FGD4: variants seen among roughly 807,000 people sequenced by gnomAD.
The protein encoded by FGD4 is FYVE, RhoGEF and PH domain-containing protein 4.
Under a neutral mutation model 102.0 loss-of-function variants are expected in FGD4, and 42 were observed. The ratio of observed to expected loss-of-function variants is 0.41; its 90% CI spans 0.32 to 0.53. FGD4 has a LOEUF of 0.53. Ranked by LOEUF, FGD4 falls within the 20% of genes least tolerant of loss-of-function variation. FGD4 has a pLI of 0.21. For synonymous variants in FGD4, 380 were observed against 375.7 expected (o/e 1.01, Z -0.13); for missense variants, 902 against 1,078.2 (o/e 0.84, Z 2.29).
chr12:32,476,988 A>C lies in FGD4; in HGVS notation c.166+77029A>C, dbSNP rs561872798. On this transcript the variant is annotated intron_variant, in intron 1 of 16. Transcript: ENST00000534526. ...AGTTGGTGAAAAGTAATTGTTTACT[A>C]CTTGAAAAATGAAGATCTGGCCAGG... Among the ~76,000 whole-genome samples, 50 of 152,302 alleles carry C rather than the reference A, an allele frequency of 3.3e-4. No homozygotes were observed. The South Asian group carries it at 9.9e-3, about 30-fold the overall frequency.
At chr12:32,415,586 C>T (rs1318280199) in intron 1 of FGD4, among the ~76,000 whole-genome samples, 2 of 152,030 alleles carry the variant, frequency 1.3e-5, no homozygotes, top group Non-Finnish European at 2.9e-5. Flanking sequence ...CCACGCCTGG[C>T]TAATTTATTG....
chr12:32,415,738 T>C (rs943602951), intron 1 of FGD4, among the ~76,000 whole-genome samples: 1 of 152,186 alleles, frequency 6.6e-6, no homozygotes. Flanking sequence ...TAGCTCTTAA[T>C]AATATTTCCT....
At chr12:32,609,767 A>T (rs1401271987) in intron 8 of FGD4, among the ~76,000 whole-genome samples, 2 of 152,222 alleles carry the variant, frequency 1.3e-5, no homozygotes, top group Non-Finnish European at 1.5e-5. Context: ...GAAGACAAAA[A>T]ATGTAGTTGA....
intron 1 of FGD4, among the ~76,000 whole-genome samples, chr12:32,440,349 C>T (rs1011164912): frequency 6.6e-6 from 1 of 152,204 alleles, no homozygotes; most frequent in Non-Finnish European, 1.5e-5. Context: ...GCTGTTTCTG[C>T]TTTAGGGGGC....
chr12:32,426,743 C>G (rs984707083), intron 1 of FGD4, among the ~76,000 whole-genome samples: 4 of 152,128 alleles, frequency 2.6e-5, no homozygotes, highest in African/African-American at 9.7e-5. Flanking sequence ...AATTTCAGAA[C>G]TTATTATTGG....
intron 1 of FGD4, among the ~76,000 whole-genome samples, chr12:32,421,143 T>C (rs754801762): frequency 1.3e-5 from 2 of 152,158 alleles, no homozygotes; most frequent in Non-Finnish European, 2.9e-5. Flanking sequence ...ATGAGGGATA[T>C]TCAAGGAGAG....
intron 1 of FGD4, among the ~76,000 whole-genome samples, chr12:32,450,798 C>A (rs997146369): frequency 1.3e-5 from 2 of 152,212 alleles, no homozygotes; most frequent in African/African-American, 4.8e-5. Flanking sequence ...CCACAGGATT[C>A]ATTCCAGTTT....
chr12:32,617,525 T>C (rs928152759), intron 10 of FGD4, among the ~76,000 whole-genome samples: 1 of 152,240 alleles, frequency 6.6e-6, no homozygotes, highest in Non-Finnish European at 1.5e-5. Flanking sequence ...AGACCCTCCC[T>C]GTGTTTTTAA....
chr12:32,580,144 C>T (rs944640047), intron 3 of FGD4, among the ~76,000 whole-genome samples: 1 of 152,136 alleles, frequency 6.6e-6, no homozygotes, highest in Admixed American at 6.5e-5. Context: ...GGGTGAAGAC[C>T]ATGGGATTTA....
chr12:32,447,501 C>T (rs1171526078), intron 1 of FGD4, among the ~76,000 whole-genome samples: 1 of 140,814 alleles, frequency 7.1e-6, no homozygotes, highest in East Asian at 2.0e-4. Context: ...TCTTTTTAAA[C>T]ATTAGATTCC....
chr12:32,601,458 G>T (rs1212353902), intron 6 of FGD4, 35 bp downstream of exon 6: 6 of 1,590,074 alleles, frequency 3.8e-6, no homozygotes, highest in Non-Finnish European at 4.3e-6. Flanking sequence ...TATGTTTAAG[G>T]CAGTCATGCT....
chr12:32,597,768 GA>G (rs1403700950), intron 4 of FGD4, among the ~76,000 whole-genome samples: 8 of 152,356 alleles, frequency 5.3e-5, no homozygotes, highest in East Asian at 1.9e-4. Flanking sequence ...AGACAGAGGT[GA>G]GGGGGAGCGT....
chr12:32,448,396 C>G (rs117111505), intron 1 of FGD4, among the ~76,000 whole-genome samples: 5,810 of 152,044 alleles, frequency 0.038, 172 homozygotes, highest in South Asian at 0.12. Flanking sequence ...GGTAGCTCAC[C>G]CCTGTAATCC....
intron 1 of FGD4, among the ~76,000 whole-genome samples, chr12:32,415,523 C>T (rs942069352): frequency 4.0e-5 from 6 of 150,678 alleles, no homozygotes; most frequent in Admixed American, 1.3e-4. Flanking sequence ...CCTGGGTTCA[C>T]GCCATTCTCC....
At chr12:32,485,436 ATTTTTT>A (rs372655892) in intron 1 of FGD4, among the ~76,000 whole-genome samples, 1 of 114,218 alleles carries the variant, frequency 8.8e-6, no homozygotes, top group African/African-American at 3.2e-5. Context: ...TTTAAGACCA[ATTTTTT>A]TTTTTTTTTT....
chr12:32,426,116 A>C (rs1941821774), intron 1 of FGD4, among the ~76,000 whole-genome samples: 1 of 152,086 alleles, frequency 6.6e-6, no homozygotes, highest in East Asian at 1.9e-4. Context: ...TAGGAGTGGT[A>C]AGAGAGGGCA....
chr12:32,490,344 G>C (rs1944044356), intron 1 of FGD4, among the ~76,000 whole-genome samples: 1 of 150,878 alleles, frequency 6.6e-6, no homozygotes, highest in South Asian at 2.1e-4. Context: ...ATCTCAGCTA[G>C]CATAGTGAGA....
At chr12:32,520,440 G>GTTTTTTTT (rs1167066001) in intron 1 of FGD4, among the ~76,000 whole-genome samples, 30 of 134,120 alleles carry the variant, frequency 2.2e-4, no homozygotes, top group Middle Eastern at 4.1e-3. Context: ...TTTGTTTTTT[G>GTTTTTTTT]TTTTTTTTTT....
intron 4 of FGD4, among the ~76,000 whole-genome samples, chr12:32,583,220 T>C (rs1039122658): frequency 6.6e-6 from 1 of 152,062 alleles, no homozygotes; most frequent in Non-Finnish European, 1.5e-5. Flanking sequence ...ACCTGTGGTC[T>C]CAGCTACTCG....
Sources: allele counts gnomAD v4.1 joint callset (sites outside exome capture counted in the v4.1 genomes callset), GRCh38; gene constraint gnomAD v4.1.1; transcripts MANE v1.5; gene names NCBI Gene and HGNC (gene_info 2026-07-23, HGNC 2026-07-21).